Variants in RERG observed in about 807,000 individuals in gnomAD.
The protein encoded by RERG is RAS like estrogen regulated growth inhibitor, also known as ras-related and estrogen-regulated growth inhibitor.
A neutral mutation model predicts 23.2 loss-of-function variants in RERG; 25 were observed. That is an observed-to-expected ratio of 1.08 (90% CI 0.79 to 1.50). The LOEUF is 1.50. Among genes scored for constraint, RERG ranks in the 40% most tolerant of loss-of-function variants. The pLI is 0.00. For missense variants in RERG, 253 were observed against 250.1 expected (o/e 1.01, Z -0.08); for synonymous variants, 81 against 89.1 (o/e 0.91, Z 0.51).
At chr12:15,169,920 A>ATGTG (rs61079713) in intron 2 of RERG, among the ~76,000 whole-genome samples, 16,524 of 137,516 alleles carry the variant, frequency 0.12, 1,129 homozygotes, top group Non-Finnish European at 0.15. Flanking sequence ...TCTGCTAAAA[A>ATGTG]TGTGTGTGTG....
At chr12:15,139,189 G>C (rs1181520514) in intron 2 of RERG, among the ~76,000 whole-genome samples, 1 of 151,780 alleles carries the variant, frequency 6.6e-6, no homozygotes, top group African/African-American at 2.4e-5. Flanking sequence ...CGAACTATCT[G>C]TCTATTTGTT....
At chr12:15,158,279 TTTTG>T (rs1400716755) in intron 2 of RERG, among the ~76,000 whole-genome samples, 2 of 151,978 alleles carry the variant, frequency 1.3e-5, no homozygotes, top group African/African-American at 4.8e-5. Context: ...TCCTCAGTTT[TTTTG>T]TTTTTTTGTT....
intron 2 of RERG, among the ~76,000 whole-genome samples, chr12:15,199,886 C>T (rs973132274): frequency 2.0e-5 from 3 of 152,054 alleles, no homozygotes; most frequent in East Asian, 3.9e-4. Context: ...TCTTTTAGTA[C>T]GTTTGCATTT....
At chr12:15,171,859 T>C (rs894676050) in intron 2 of RERG, among the ~76,000 whole-genome samples, 3 of 152,318 alleles carry the variant, frequency 2.0e-5, no homozygotes, top group African/African-American at 7.2e-5. Flanking sequence ...ATCATACTAA[T>C]AGTTAATAAG....
chr12:15,201,380 A>G (rs930749773), intron 2 of RERG, among the ~76,000 whole-genome samples: 4 of 151,758 alleles, frequency 2.6e-5, no homozygotes, highest in African/African-American at 4.8e-5. Context: ...TGCCTGTAAG[A>G]TCTTGGGCAA....
chr12:15,187,276 A>G (rs1422261324), intron 2 of RERG, among the ~76,000 whole-genome samples: 1 of 152,154 alleles, frequency 6.6e-6, no homozygotes, highest in African/African-American at 2.4e-5. Context: ...GTTGGAAAGC[A>G]AAGCTTAAAA....
At chr12:15,189,496 T>C (rs1337848021) in intron 2 of RERG, among the ~76,000 whole-genome samples, 2 of 152,192 alleles carry the variant, frequency 1.3e-5, no homozygotes, top group African/African-American at 4.8e-5. Flanking sequence ...CTGTTAAAAA[T>C]TGCAACTCTT....
intron 3 of RERG, 42 bp from the exon 4 acceptor site, chr12:15,111,459 A>C (rs1863615604): frequency 1.4e-6 from 2 of 1,473,342 alleles, no homozygotes; most frequent in South Asian, 1.2e-5. Context: ...AGATAAATAA[A>C]TGCAAGATTT....
intron 2 of RERG, among the ~76,000 whole-genome samples, chr12:15,197,740 A>T (rs1196721509): frequency 6.6e-6 from 1 of 152,162 alleles, no homozygotes; most frequent in Non-Finnish European, 1.5e-5. Context: ...TAGGAATGTG[A>T]GCCTTGCACT....
chr12:15,174,372 T>C (rs1864817003), intron 2 of RERG, among the ~76,000 whole-genome samples: 3 of 152,058 alleles, frequency 2.0e-5, no homozygotes, highest in African/African-American at 7.2e-5. Context: ...ATTTTTCCCT[T>C]GTTGCTTTTA....
intron 2 of RERG, among the ~76,000 whole-genome samples, chr12:15,199,460 T>G (rs535451577): frequency 6.6e-6 from 1 of 152,234 alleles, no homozygotes; most frequent in Admixed American, 6.6e-5. Flanking sequence ...ACTCTGAGTC[T>G]ACGTTGGAGG....
intron 2 of RERG, among the ~76,000 whole-genome samples, chr12:15,183,208 A>G (rs1485508451): frequency 6.6e-6 from 1 of 152,206 alleles, no homozygotes; most frequent in African/African-American, 2.4e-5. Flanking sequence ...AAATGTAATA[A>G]TAACTCATTA....
intron 2 of RERG, among the ~76,000 whole-genome samples, chr12:15,130,493 T>G (rs1864027112): frequency 6.6e-6 from 1 of 152,178 alleles, no homozygotes; most frequent in Admixed American, 6.5e-5. Flanking sequence ...GAAGGAACCC[T>G]TTCTCTTACC....
At chr12:15,210,464 TC>T (rs960063981) in intron 2 of RERG, among the ~76,000 whole-genome samples, 31 of 152,126 alleles carry the variant, frequency 2.0e-4, no homozygotes, top group Non-Finnish European at 4.0e-4. Flanking sequence ...CAGTATTGTT[TC>T]CCCCCCAATC....
At chr12:15,213,378 T>G (rs1865395243) in intron 2 of RERG, among the ~76,000 whole-genome samples, 1 of 152,258 alleles carries the variant, frequency 6.6e-6, no homozygotes, top group Admixed American at 6.5e-5. Flanking sequence ...TAAGGAAATC[T>G]GTGCCTTGCA....
intron 2 of RERG, among the ~76,000 whole-genome samples, chr12:15,136,873 G>T (rs1380970160): frequency 6.6e-6 from 1 of 151,902 alleles, no homozygotes; most frequent in Non-Finnish European, 1.5e-5. Context: ...TGTGTATTTT[G>T]CTGTCATTGG....
chr12:15,214,351 A>C (rs1201740374), intron 2 of RERG, among the ~76,000 whole-genome samples: 1 of 152,002 alleles, frequency 6.6e-6, no homozygotes, highest in Non-Finnish European at 1.5e-5. Context: ...AAAAGCTCAC[A>C]CTCTTTAACT....
intron 2 of RERG, among the ~76,000 whole-genome samples, chr12:15,140,736 T>C (rs560936205): frequency 1.3e-5 from 2 of 152,292 alleles, no homozygotes; most frequent in African/African-American, 4.8e-5. Context: ...TCCACTCTCT[T>C]CTTGCTTGGG....
intron 3 of RERG, among the ~76,000 whole-genome samples, chr12:15,119,191 G>A (rs1250571267): frequency 2.6e-5 from 4 of 152,138 alleles, no homozygotes; most frequent in Non-Finnish European, 5.9e-5. Context: ...CATCCTCTTT[G>A]AGAAGTACTG....
Sources: gnomAD v4.1 joint callset for allele counts (sites outside exome capture counted in the v4.1 genomes callset) on GRCh38, gnomAD v4.1.1 for gene constraint, MANE v1.5 for transcripts, NCBI Gene and HGNC (gene_info 2026-07-23, HGNC 2026-07-21) for gene names.